The following PAPSS1 variants were observed in gnomAD, a reference collection of about 807,000 sequenced individuals.
The protein encoded by PAPSS1 is 3'-phosphoadenosine 5'-phosphosulfate synthase 1.
In PAPSS1, 50 loss-of-function variants were observed where a neutral mutation model predicts 72.0. The observed-to-expected ratio is 0.69, with a 90% confidence interval of 0.55 to 0.88. PAPSS1 has a LOEUF of 0.88. Among genes scored for constraint, PAPSS1 ranks in the 40% least tolerant of loss-of-function variants. The pLI is 0.00. For missense variants in PAPSS1, 657 were observed against 782.2 expected, an observed-to-expected ratio of 0.84 and a Z score of 1.91; for synonymous variants, 261 against 263.6, an observed-to-expected ratio of 0.99 and a Z score of 0.09.
chr4:107,686,648 A>T (rs1207723415), intron 4 of PAPSS1, among the ~76,000 whole-genome samples: 1 of 152,240 alleles, frequency 6.6e-6, no homozygotes, highest in Non-Finnish European at 1.5e-5. Context: ...TATCCTTATC[A>T]TCAAGATGCT....
intron 11 of PAPSS1, among the ~76,000 whole-genome samples, chr4:107,620,293 A>G (rs545984140): frequency 1.3e-5 from 2 of 152,360 alleles, no homozygotes; most frequent in South Asian, 2.1e-4. Flanking sequence ...CAAACATAGT[A>G]TACATCAAAA....
chr4:107,638,821 T>C (rs1271385126), intron 10 of PAPSS1, among the ~76,000 whole-genome samples: 1 of 151,618 alleles, frequency 6.6e-6, no homozygotes, highest in Non-Finnish European at 1.5e-5. Flanking sequence ...GTTTTATAAA[T>C]ATTATTTAAT....
chr4:107,678,494 A>T (rs953540818), intron 5 of PAPSS1, among the ~76,000 whole-genome samples: 1 of 152,200 alleles, frequency 6.6e-6, no homozygotes, highest in Non-Finnish European at 1.5e-5. Context: ...CTGCTTCCGA[A>T]GAGTGACAAG....
At chr4:107,707,020 A>C (rs1011962473) in intron 1 of PAPSS1, among the ~76,000 whole-genome samples, 5 of 152,206 alleles carry the variant, frequency 3.3e-5, no homozygotes, top group Non-Finnish European at 7.3e-5. Context: ...GCTGGCCTGG[A>C]ACCTGGGTCC....
chr4:107,711,638 T>C (rs1477268339), intron 1 of PAPSS1, among the ~76,000 whole-genome samples: 1 of 152,210 alleles, frequency 6.6e-6, no homozygotes, highest in Non-Finnish European at 1.5e-5. Flanking sequence ...GAGAAATCCC[T>C]GAAATGGTAA....
intron 11 of PAPSS1, among the ~76,000 whole-genome samples, chr4:107,625,835 G>A (rs971500292): frequency 2.5e-4 from 38 of 152,272 alleles, no homozygotes; most frequent in African/African-American, 9.1e-4. Context: ...AGCCTTGAAG[G>A]ATGCCTACAG....
chr4:107,629,382 T>A (rs951196947), intron 11 of PAPSS1, among the ~76,000 whole-genome samples: 1 of 152,204 alleles, frequency 6.6e-6, no homozygotes, highest in Non-Finnish European at 1.5e-5. Context: ...AAGAAATTAA[T>A]CTTGCCCATG....
At chr4:107,677,925 C>T (rs1727699377) in intron 5 of PAPSS1, among the ~76,000 whole-genome samples, 1 of 152,054 alleles carries the variant, frequency 6.6e-6, no homozygotes, top group African/African-American at 2.4e-5. Flanking sequence ...TCTCAGCAAA[C>T]TATCGCAACG....
At chr4:107,620,586 TC>T (rs1182518697) in intron 11 of PAPSS1, among the ~76,000 whole-genome samples, 4 of 152,186 alleles carry the variant, frequency 2.6e-5, no homozygotes, top group Non-Finnish European at 4.4e-5. Flanking sequence ...ATAATGGACT[TC>T]CAGGGCTGTC....
chr4:107,618,248 G>A (rs909582756), intron 11 of PAPSS1, among the ~76,000 whole-genome samples: 2 of 152,032 alleles, frequency 1.3e-5, no homozygotes, highest in African/African-American at 2.4e-5. Flanking sequence ...GACCACAGTA[G>A]GGAACAAAAC....
At chr4:107,688,382 C>T (rs958549289) in intron 3 of PAPSS1, among the ~76,000 whole-genome samples, 1 of 152,154 alleles carries the variant, frequency 6.6e-6, no homozygotes, top group African/African-American at 2.4e-5. Context: ...GGGTTCCAGG[C>T]TGTAACACAC....
At chr4:107,673,162 C>G (rs1479515780) in intron 5 of PAPSS1, among the ~76,000 whole-genome samples, 3 of 152,220 alleles carry the variant, frequency 2.0e-5, no homozygotes, top group Non-Finnish European at 4.4e-5. Context: ...ACCTCTCCTC[C>G]TCCAAAGGAA....
At chr4:107,626,345 T>C (rs1726097264) in intron 11 of PAPSS1, among the ~76,000 whole-genome samples, 2 of 152,228 alleles carry the variant, frequency 1.3e-5, no homozygotes, top group African/African-American at 4.8e-5. Context: ...TTGAGTTTAC[T>C]ATTTCACTAA....
At chr4:107,620,398 TC>T (rs750595105) in intron 11 of PAPSS1, among the ~76,000 whole-genome samples, 2 of 152,194 alleles carry the variant, frequency 1.3e-5, no homozygotes, top group Non-Finnish European at 2.9e-5. Flanking sequence ...CTGTTTGACA[TC>T]ATACATGACA....
chr4:107,635,029 A>T (rs1251931333), intron 10 of PAPSS1, among the ~76,000 whole-genome samples: 1 of 151,902 alleles, frequency 6.6e-6, no homozygotes, highest in Non-Finnish European at 1.5e-5. Flanking sequence ...CGATCTCCTG[A>T]CCTTGTGATC....
chr4:107,684,173 C>A (rs1467986400), intron 4 of PAPSS1, among the ~76,000 whole-genome samples: 1 of 152,138 alleles, frequency 6.6e-6, no homozygotes, highest in African/African-American at 2.4e-5. Flanking sequence ...GAATACTTGG[C>A]ACCAAATACA....
intron 5 of PAPSS1, among the ~76,000 whole-genome samples, chr4:107,660,867 T>C (rs1727161709): frequency 6.6e-6 from 1 of 152,174 alleles, no homozygotes; most frequent in African/African-American, 2.4e-5. Context: ...TTCATACATG[T>C]GTCCAATACT....
At chr4:107,673,174 G>C (rs1420586599) in intron 5 of PAPSS1, among the ~76,000 whole-genome samples, 1 of 152,196 alleles carries the variant, frequency 6.6e-6, no homozygotes, top group Admixed American at 6.5e-5. Flanking sequence ...CCAAAGGAAC[G>C]CAGCTCCTCA....
At chr4:107,651,080 T>C (rs1314024191) in intron 9 of PAPSS1, among the ~76,000 whole-genome samples, 1 of 152,244 alleles carries the variant, frequency 6.6e-6, no homozygotes, top group Non-Finnish European at 1.5e-5. Flanking sequence ...TGAGCTGTTA[T>C]ACAGGCAGTA....
Sources: allele counts gnomAD v4.1 joint callset (sites outside exome capture counted in the v4.1 genomes callset), GRCh38; gene constraint gnomAD v4.1.1; transcripts MANE v1.5; gene names NCBI Gene and HGNC (gene_info 2026-07-23, HGNC 2026-07-21).